The following PTPRJ variants were observed in gnomAD, a reference collection of about 807,000 sequenced individuals.
PTPRJ encodes receptor-type tyrosine-protein phosphatase eta.
PTPRJ carries 129 observed loss-of-function variants against 141.3 expected under a neutral mutation model. The ratio of observed to expected loss-of-function variants is 0.91; its 90% CI spans 0.79 to 1.06. The LOEUF (loss-of-function observed/expected upper bound fraction) is 1.06. Among genes scored for constraint, PTPRJ ranks in the 50% least tolerant of loss-of-function variants. The pLI is 0.00. For synonymous variants in PTPRJ, 610 were observed against 640.5 expected (o/e 0.95, Z 0.72); for missense variants, 1,601 against 1,679.7 (o/e 0.95, Z 0.82).
At chr11:48,160,833 G>T (rs562132002) in intron 22 of PTPRJ, among the ~76,000 whole-genome samples, 3 of 152,202 alleles carry the variant, frequency 2.0e-5, no homozygotes, top group African/African-American at 7.2e-5. Context: ...TGTAGCTTTT[G>T]CAGAATGGAT....
chr11:48,161,180 CAAAAAAA>C (rs71045549), intron 22 of PTPRJ, among the ~76,000 whole-genome samples: 4 of 68,124 alleles, frequency 5.9e-5, no homozygotes, highest in Non-Finnish European at 7.4e-5. Context: ...GACCCGGTCT[CAAAAAAA>C]AAAAAAAAAA....
intron 3 of PTPRJ, among the ~76,000 whole-genome samples, chr11:48,115,118 T>C (rs111389845): frequency 2.3e-4 from 35 of 152,132 alleles, no homozygotes; most frequent in African/African-American, 8.0e-4. Context: ...AAGAGAAAGA[T>C]AAAGAGGTAG....
chr11:47,981,119 T>C, intron 1 of PTPRJ, 111 bp downstream of exon 1: 1 of 1,072,830 alleles, frequency 9.3e-7, no homozygotes, highest in East Asian at 4.1e-5. Flanking sequence ...GGGGCGGGGG[T>C]CCGGATCCCC....
intron 1 of PTPRJ, among the ~76,000 whole-genome samples, chr11:48,040,287 A>G (rs1323601786): frequency 1.3e-5 from 2 of 152,272 alleles, no homozygotes; most frequent in African/African-American, 4.8e-5. Context: ...GTGTGCGCGC[A>G]CATGCGTGTG....
intron 1 of PTPRJ, among the ~76,000 whole-genome samples, chr11:48,086,213 G>A (rs1371532873): frequency 2.6e-5 from 4 of 152,090 alleles, no homozygotes; most frequent in Admixed American, 1.3e-4. Flanking sequence ...AGTCTCTGTC[G>A]CCCAGGCTGG....
At chr11:48,032,777 C>A (rs1250654338) in intron 1 of PTPRJ, among the ~76,000 whole-genome samples, 2 of 152,114 alleles carry the variant, frequency 1.3e-5, no homozygotes, top group Non-Finnish European at 2.9e-5. Flanking sequence ...AAAACAAAAA[C>A]AACAAAAAAC....
chr11:47,995,657 G>A (rs1854315298), intron 1 of PTPRJ, among the ~76,000 whole-genome samples: 1 of 152,220 alleles, frequency 6.6e-6, no homozygotes, highest in Non-Finnish European at 1.5e-5. Flanking sequence ...TCATGTTGGG[G>A]TGTGGGCCTT....
In PTPRJ at chr11:48,123,721, G is replaced by T. The variant is rs773453648; in HGVS notation, c.725G>T (p.Ser242Ile). 6.2e-7 allele frequency: 1 copy of T among 1,614,162 alleles called. No homozygotes were observed. ...GTASCRVLLE[S>I]IGSHEELTQD... ...GCCTCCTGCCGGGTTCTTCTTGAAAGCATTGGAAGCCATGAGGAGTTGACT... is the reference window on the plus strand; with the variant it reads ...GCCTCCTGCCGGGTTCTTCTTGAAATCATTGGAAGCCATGAGGAGTTGACT... The change falls in exon 5 of 25, where the codon AGC becomes ATC. Residue 242 changes from serine (S) to isoleucine (I), a missense_variant. Physicochemically the swap from Ser to Ile is moderately radical, Grantham distance 142. Coordinates refer to ENST00000418331, the MANE Select transcript of PTPRJ (RefSeq NM_002843.4).
rs35993560 is a variant in PTPRJ at position 48,071,607 on chromosome 11, C to CTTTT, written c.97-38435_97-38432dup. On this transcript the variant is annotated intron_variant, in intron 1 of 24. Transcript: ENST00000418331. Reference sequence around the variant, plus strand: ...ACAGGTGTGAGCCACCGCACCCAGCCTTTTTTTTTTTTTTTTTTTGAGATG... The same window carrying CTTTT: ...ACAGGTGTGAGCCACCGCACCCAGCCTTTTTTTTTTTTTTTTTTTTTTTGAGATG... Among the ~76,000 whole-genome samples, 77 of 82,446 alleles carry CTTTT rather than the reference C, an allele frequency of 9.3e-4. 4 individuals carry two copies. Among genetic ancestry groups the CTTTT allele is most frequent in the East Asian group, 2.0e-3 (5 of 2,442 alleles). 54.1% of individuals were successfully genotyped at this position (82,446 alleles called of 152,430 possible).
Position 48,139,618 on chromosome 11 carries a change from C to T in PTPRJ, c.2285C>T (p.Ala762Val), listed in dbSNP as rs148286094. The change falls in exon 11 of 25, where the codon GCG (alanine) becomes GTG (valine). Residue 762 changes from alanine to valine, a missense_variant. By Grantham distance (64) the Ala-to-Val change is moderately conservative (BLOSUM62 0). Coordinates refer to ENST00000418331, the MANE Select transcript of PTPRJ (RefSeq NM_002843.4). ...GTCAGCAGTGGAGCCTGGAACAATGCGACCCACCTGGAGAGCTGCTCCTCT... is the reference window on the plus strand; with the variant it reads ...GTCAGCAGTGGAGCCTGGAACAATGTGACCCACCTGGAGAGCTGCTCCTCT... Reference protein sequence around the residue: ...LEVSSGAWNNATHLESCSSEN... With the variant: ...LEVSSGAWNNVTHLESCSSEN... 71 of 1,614,226 alleles carry T rather than the reference C, an allele frequency of 4.4e-5. No individual in the cohort carries two copies. The highest frequency in any genetic ancestry group is 5.4e-5 in the Non-Finnish European group (64 of 1,180,044).
rs1009167480 is a variant in PTPRJ at position 48,006,517 on chromosome 11, A to G, written c.96+25509A>G. 2.6e-5 allele frequency among the ~76,000 whole-genome samples: 4 copies of G among 152,282 alleles called. No homozygotes were observed. The East Asian group carries it at 7.7e-4, about 29-fold the overall frequency. On this transcript the variant is annotated intron_variant, in intron 1 of 24. Transcript: ENST00000418331. ...CCACGTGGAGGCCAGTGAGCTGGTT[A>G]TAATCCAGAGACTGTCAGTTTTTCC... is the stretch of plus-strand genomic sequence containing the variant.
At chr11:48,074,213 A>T (rs556599553) in intron 1 of PTPRJ, among the ~76,000 whole-genome samples, 2 of 151,896 alleles carry the variant, frequency 1.3e-5, no homozygotes, top group Non-Finnish European at 2.9e-5. Flanking sequence ...AAAAACTAAA[A>T]AAAGAAAAAA....
At chr11:48,107,458 G>A (rs1856322968) in intron 1 of PTPRJ, among the ~76,000 whole-genome samples, 1 of 152,106 alleles carries the variant, frequency 6.6e-6, no homozygotes, top group African/African-American at 2.4e-5. Context: ...GGTGACTAAC[G>A]GGTTTTCTGC....
intron 24 of PTPRJ, 55 bp from the exon 25 acceptor site, chr11:48,167,149 C>G: frequency 2.0e-6 from 3 of 1,528,178 alleles, no homozygotes; most frequent in Admixed American, 1.8e-5. Flanking sequence ...ATTTTGGGTG[C>G]TAATTTCTGG....
chr11:48,130,721 G>A lies in PTPRJ; in HGVS notation c.1615+5G>A. ...GGACAGTTTGCAATAGAACTGGTAA[G>A]CAAATAGGCTTTTCTGTTAAACCAT... On this transcript the variant is annotated splice_donor_5th_base_variant and intron_variant, in intron 8 of 24. Coordinates refer to ENST00000418331, the MANE Select transcript of PTPRJ (RefSeq NM_002843.4). The A allele has an allele frequency of 6.3e-7, 1 of 1,590,700 alleles. No individual in the cohort carries two copies. The highest frequency in any genetic ancestry group is 8.6e-7 in the Non-Finnish European group (1 of 1,164,200).
At chr11:48,124,292 CA>C (rs1416173967) in intron 5 of PTPRJ, among the ~76,000 whole-genome samples, 1 of 152,196 alleles carries the variant, frequency 6.6e-6, no homozygotes, top group Non-Finnish European at 1.5e-5. Flanking sequence ...ACTTAATCTG[CA>C]TTTTATACTT....
chr11:48,147,992 C>T (rs545008372), intron 15 of PTPRJ, among the ~76,000 whole-genome samples: 43 of 152,100 alleles, frequency 2.8e-4, no homozygotes, highest in African/African-American at 9.9e-4. Context: ...ATTACAGGCA[C>T]CGCCACCACA....
intron 1 of PTPRJ, among the ~76,000 whole-genome samples, chr11:47,995,885 A>G (rs554936791): frequency 1.9e-4 from 29 of 152,156 alleles, no homozygotes; most frequent in African/African-American, 7.0e-4. Flanking sequence ...TAAAAATACA[A>G]AAATTAACAG....
chr11:48,006,909 A>T (rs2134196676), intron 1 of PTPRJ, among the ~76,000 whole-genome samples: 1 of 150,800 alleles, frequency 6.6e-6, no homozygotes, highest in East Asian at 1.9e-4. Context: ...TGAGTCAGTC[A>T]TTTTTTTTTA....
Sources: allele counts gnomAD v4.1 joint callset (sites outside exome capture counted in the v4.1 genomes callset), GRCh38; gene constraint gnomAD v4.1.1; transcripts MANE v1.5; gene names NCBI Gene and HGNC (gene_info 2026-07-23, HGNC 2026-07-21).